PPARGC1A: variants seen among roughly 807,000 people sequenced by gnomAD.
PPARGC1A encodes the protein peroxisome proliferator-activated receptor gamma coactivator 1-alpha.
In PPARGC1A, 25 loss-of-function variants were observed where a neutral mutation model predicts 88.7. That is an observed-to-expected ratio of 0.28 (90% CI 0.21 to 0.39). The LOEUF (loss-of-function observed/expected upper bound fraction) is 0.39, where lower values mean the gene tolerates loss of function less well. PPARGC1A is among the 10% of genes least tolerant of loss of function. The pLI is 1.00. For missense variants in PPARGC1A, 880 were observed against 968.7 expected, an observed-to-expected ratio of 0.91 and a Z score of 1.22; for synonymous variants, 363 against 355.6, an observed-to-expected ratio of 1.02 and a Z score of -0.24.
the PPARGC1A span, among the ~76,000 whole-genome samples, chr4:24,122,415 GCA>G: frequency 0.087 from 9,794 of 112,576 alleles, 379 homozygotes; most frequent in Non-Finnish European, 0.12. Context: ...GTGTGTGTGT[GCA>G]TATATATATA....
chr4:23,892,961 T>G (rs564868140), upstream of PPARGC1A, among the ~76,000 whole-genome samples: 1 of 152,292 alleles, frequency 6.6e-6, no homozygotes, highest in African/African-American at 2.4e-5. Flanking sequence ...CAAGTTCCTT[T>G]CATTGACCAC....
chr4:24,171,514 C>G, the PPARGC1A span, among the ~76,000 whole-genome samples: 1 of 152,038 alleles, frequency 6.6e-6, no homozygotes, highest in African/African-American at 2.4e-5. Context: ...ATATATGGTC[C>G]TGATTTTTTT....
At chr4:24,284,497 A>C in the PPARGC1A span, among the ~76,000 whole-genome samples, 1 of 152,210 alleles carries the variant, frequency 6.6e-6, no homozygotes, top group African/African-American at 2.4e-5. Context: ...AATCAATTTA[A>C]AATGGACATT....
the PPARGC1A span, among the ~76,000 whole-genome samples, chr4:24,465,002 G>A: frequency 1.8e-3 from 271 of 152,266 alleles, 2 homozygotes; most frequent in Middle Eastern, 0.01. Flanking sequence ...CAGTAGCTAC[G>A]ATTACAGGCA....
intron 2 of PPARGC1A, among the ~76,000 whole-genome samples, chr4:23,869,680 C>T (rs922029330): frequency 9.9e-4 from 26 of 26,304 alleles, no homozygotes; most frequent in Admixed American, 5.2e-3. Context: ...GCGGGGTGGG[C>T]GGGGGGGCAG....
chr4:24,033,410 GACACAC>G, the PPARGC1A span, among the ~76,000 whole-genome samples: 5,875 of 150,936 alleles, frequency 0.039, 357 homozygotes, highest in African/African-American at 0.13. Flanking sequence ...TAGACAGACA[GACACAC>G]ACACACACAC....
At chr4:24,093,743 C>G in the PPARGC1A span, among the ~76,000 whole-genome samples, 1 of 152,210 alleles carries the variant, frequency 6.6e-6, no homozygotes, top group African/African-American at 2.4e-5. Flanking sequence ...TGGAAGGCAG[C>G]ACACGAGTGG....
the PPARGC1A span, among the ~76,000 whole-genome samples, chr4:24,102,745 G>C: frequency 3.3e-5 from 5 of 152,102 alleles, no homozygotes; most frequent in Admixed American, 2.0e-4. Context: ...AGGGATTGTG[G>C]GCTGCTTTTA....
the PPARGC1A span, among the ~76,000 whole-genome samples, chr4:23,912,088 G>A: frequency 1.3e-5 from 2 of 152,198 alleles, no homozygotes; most frequent in African/African-American, 2.4e-5. Context: ...TTTAAGTGGG[G>A]AAATTTTTTA....
the PPARGC1A span, among the ~76,000 whole-genome samples, chr4:24,353,640 G>T: frequency 6.6e-6 from 1 of 152,174 alleles, no homozygotes; most frequent in Non-Finnish European, 1.5e-5. Flanking sequence ...GCAGATTGTT[G>T]TGAGAGTTAA....
the PPARGC1A span, among the ~76,000 whole-genome samples, chr4:24,327,920 T>A: frequency 2.0e-5 from 3 of 152,086 alleles, no homozygotes; most frequent in African/African-American, 7.2e-5. Context: ...ACAAAAGAAG[T>A]GAAAAGGCCC....
At chr4:23,903,825 A>G (rs115058374), upstream of PPARGC1A, among the ~76,000 whole-genome samples, 1,365 of 152,250 alleles carry the variant, frequency 9.0e-3, 18 homozygotes, top group African/African-American at 0.031. Flanking sequence ...AATGAAGTAT[A>G]CTACACACTT....
At chr4:23,973,972 T>A in the PPARGC1A span, among the ~76,000 whole-genome samples, 3 of 151,534 alleles carry the variant, frequency 2.0e-5, no homozygotes, top group Non-Finnish European at 4.4e-5. Flanking sequence ...AAAAAATAAT[T>A]AAAAATAAAT....
chr4:24,191,746 G>A, the PPARGC1A span, among the ~76,000 whole-genome samples: 1 of 152,194 alleles, frequency 6.6e-6, no homozygotes, highest in East Asian at 1.9e-4. Context: ...GGTGTGGGTG[G>A]CCACAGCTGG....
the PPARGC1A span, among the ~76,000 whole-genome samples, chr4:23,913,295 GA>G: frequency 5.2e-4 from 74 of 143,468 alleles, no homozygotes; most frequent in African/African-American, 1.8e-3. Context: ...GAGAGAGAGA[GA>G]GAGAGAGAGA....
the PPARGC1A span, among the ~76,000 whole-genome samples, chr4:23,952,954 A>G: frequency 7.2e-5 from 11 of 152,166 alleles, no homozygotes; most frequent in Admixed American, 7.2e-4. Context: ...ACTATAATGC[A>G]TTACATGAAT....
chr4:24,130,081 TG>T, the PPARGC1A span, among the ~76,000 whole-genome samples: 3 of 152,216 alleles, frequency 2.0e-5, no homozygotes, highest in South Asian at 2.1e-4. Flanking sequence ...CACACCAACA[TG>T]GCAAATGTAT....
chr4:24,230,625 G>T, the PPARGC1A span, among the ~76,000 whole-genome samples: 1,169 of 152,210 alleles, frequency 7.7e-3, 82 homozygotes, highest in East Asian at 0.17. Flanking sequence ...CAAAAGGAAG[G>T]CATCTGAGAA....
Position 23,870,497 on chromosome 4 carries a change from T to C in PPARGC1A, c.234+14255A>G, listed in dbSNP as rs78496571. On this transcript the variant is annotated intron_variant, in intron 2 of 12. Coordinates refer to ENST00000264867, the MANE Select transcript of PPARGC1A (RefSeq NM_013261.5). ...GGTCAGTTGTCACTGCTCACCATTA[T>C]CTTTTTACTGTCACCATTTCATGAA... is the stretch of plus-strand genomic sequence containing the variant. Among the ~76,000 whole-genome samples the C allele has an allele frequency of 1.1e-4, 16 of 152,378 alleles. No individual in the cohort carries two copies. The East Asian group carries it at 2.5e-3, about 24-fold the overall frequency.
Sources: allele counts gnomAD v4.1 joint callset (sites outside exome capture counted in the v4.1 genomes callset), GRCh38; gene constraint gnomAD v4.1.1; transcripts MANE v1.5; gene names NCBI Gene and HGNC (gene_info 2026-07-23, HGNC 2026-07-21).